The following OSBPL2 variants were observed in gnomAD, a reference collection of about 807,000 sequenced individuals.
OSBPL2 encodes the protein oxysterol-binding protein-related protein 2.
OSBPL2 carries 18 observed loss-of-function variants against 58.4 expected under a neutral mutation model. The observed-to-expected ratio is 0.31, with a 90% CI of 0.21 to 0.46. The LOEUF is 0.46. OSBPL2 is among the 20% of genes least tolerant of loss of function. The pLI is 1.00. For synonymous variants in OSBPL2, 221 were observed against 234.1 expected, an observed-to-expected ratio of 0.94 and a Z score of 0.51; for missense variants, 461 against 616.5, an observed-to-expected ratio of 0.75 and a Z score of 2.67.
intron 6 of OSBPL2, among the ~76,000 whole-genome samples, chr20:62,277,628 C>G (rs1357452759): frequency 6.6e-6 from 1 of 152,250 alleles, no homozygotes; most frequent in African/African-American, 2.4e-5. Flanking sequence ...TAAAAATACA[C>G]ATTCTTTTCT....
Position 62,292,354 on chromosome 20 carries a change from G to A in OSBPL2, c.1340+561G>A, listed in dbSNP as rs534058251. ...TCTTCCTGTCAGTGCCACTCAGGCT[G>A]ATCTTCACCCCATGACCCAGAAAGG... On this transcript the variant is annotated intron_variant, in intron 13 of 13. Coordinates refer to ENST00000313733, the MANE Select transcript of OSBPL2 (RefSeq NM_144498.4). Among the ~76,000 whole-genome samples the A allele has an allele frequency of 2.7e-3, 418 of 152,326 alleles. 2 individuals are homozygous for A. The highest frequency in any genetic ancestry group is 4.7e-3 in the Admixed American group (72 of 15,310).
chr20:62,257,582 T>C (rs1981009406), intron 2 of OSBPL2, among the ~76,000 whole-genome samples: 1 of 152,164 alleles, frequency 6.6e-6, no homozygotes, highest in African/African-American at 2.4e-5. Flanking sequence ...ACCCTTGGGC[T>C]GACCTCTAGT....
chr20:62,290,863 G>A (rs1056033067), intron 12 of OSBPL2, among the ~76,000 whole-genome samples: 1 of 150,618 alleles, frequency 6.6e-6, no homozygotes, highest in Admixed American at 6.6e-5. Flanking sequence ...TCAGCCTCCC[G>A]AGTAGCTGGG....
chr20:62,279,983 C>G, intron 7 of OSBPL2: 1 of 1,304,068 alleles, frequency 7.7e-7, no homozygotes, highest in African/African-American at 1.5e-5. Context: ...CCTCTTCACT[C>G]TCAGCCTAAA....
At chr20:62,277,642 ACAAGT>A (rs1392442459) in intron 6 of OSBPL2, among the ~76,000 whole-genome samples, 1 of 152,244 alleles carries the variant, frequency 6.6e-6, no homozygotes, top group Non-Finnish European at 1.5e-5. Context: ...CTTTTCTCAG[ACAAGT>A]ATTCATTTTG....
At chr20:62,262,093 C>A (rs558411530) in intron 3 of OSBPL2, among the ~76,000 whole-genome samples, 1,481 of 133,106 alleles carry the variant, frequency 0.011, 13 homozygotes, top group Non-Finnish European at 0.019. Context: ...ACCCCCCCCC[C>A]ACCCCGTCAC....
At chr20:62,272,307 C>A in intron 5 of OSBPL2, 48 bp downstream of exon 5, 1 of 1,594,978 alleles carries the variant, frequency 6.3e-7, no homozygotes. Flanking sequence ...AAGTGATGCC[C>A]CTTGCATGTC....
chr20:62,286,609 C>T lies in OSBPL2; in HGVS notation c.1023C>T (p.Ser341=), dbSNP rs767842772. The change falls in exon 11 of 14, where the codon AGC becomes AGT. Residue 341 remains serine (S), a synonymous_variant. Transcript: ENST00000313733. ...KLDEDSGKAD[S]DVADDVPVAQ... ...ATGAAGACTCCGGGAAGGCTGACAG[C>T]GACGTGGCTGACGACGTGCCTGTGG... is the stretch of plus-strand genomic sequence containing the variant. 5.0e-6 allele frequency: 8 copies of T among 1,613,490 alleles called. No individual in the cohort carries two copies. Among genetic ancestry groups the T allele is most frequent in the African/African-American group, 1.3e-5 (1 of 75,040 alleles).
rs750356370 is a variant in OSBPL2 at position 62,293,675 on chromosome 20, C to T, written c.1341-110C>T. ...ACGCTGGGCTGCATTTTAAAACCCA[C>T]GTTACCGTGATGGTGCTGAGTTGGG... On this transcript the variant is annotated intron_variant, in intron 13 of 13. Transcript: ENST00000313733. 1.8e-5 allele frequency: 16 copies of T among 892,008 alleles called. No individual in the cohort carries two copies. The East Asian group carries it at 4.2e-4, about 24-fold the overall frequency. The allele number at this position is 892,008 out of a possible 1,614,324, so 55.3% of individuals were successfully genotyped here.
At chr20:62,283,297 G>T (rs1221684495) in intron 9 of OSBPL2, among the ~76,000 whole-genome samples, 1 of 152,154 alleles carries the variant, frequency 6.6e-6, no homozygotes, top group Admixed American at 6.5e-5. Flanking sequence ...GTGAGGCCTG[G>T]CCCAGTTCCC....
chr20:62,260,258 G>A lies in OSBPL2; in HGVS notation c.182+133G>A, dbSNP rs115756484. On this transcript the variant is annotated intron_variant, in intron 3 of 13. Coordinates refer to ENST00000313733, the MANE Select transcript of OSBPL2 (RefSeq NM_144498.4). ...CCACAGCTGTCTGGCCTCCCCATCC[G>A]GACAGCCTCCTCTGTCTGGCCAGCA... 632 of 799,224 alleles carry A rather than the reference G, an allele frequency of 7.9e-4. 1 individual carries two copies. The highest frequency in any genetic ancestry group is 6.8e-3 in the African/African-American group (390 of 57,340). 49.5% of individuals were successfully genotyped at this position (799,224 alleles called of 1,614,324 possible).
chr20:62,258,499 G>T (rs1240240349), intron 2 of OSBPL2, among the ~76,000 whole-genome samples: 1 of 152,220 alleles, frequency 6.6e-6, no homozygotes, highest in East Asian at 1.9e-4. Context: ...ACGCAGAGGG[G>T]CTAATAAAAA....
At chr20:62,291,652 G>A (rs754954341) in intron 12 of OSBPL2, 51 bp from the exon 13 acceptor site, 1 of 1,475,610 alleles carries the variant, frequency 6.8e-7, no homozygotes. Context: ...GGGGTGGCGG[G>A]GTGCGGTTCT....
At chr20:62,286,390 C>T in intron 10 of OSBPL2, 193 bp from the exon 11 acceptor site, 2 of 558,236 alleles carry the variant, frequency 3.6e-6, no homozygotes, top group East Asian at 6.3e-5. Flanking sequence ...GCAGAGGTTG[C>T]AGTGACCCGA....
rs1351790289 is a variant in OSBPL2 at position 62,269,322 on chromosome 20, G to A, written c.259-2803G>A. Among the ~76,000 whole-genome samples the A allele has an allele frequency of 1.3e-5, 2 of 152,192 alleles. No homozygotes were observed. The highest frequency in any genetic ancestry group is 2.4e-5 in the African/African-American group (1 of 41,444). On this transcript the variant is annotated intron_variant, in intron 4 of 13. Transcript: ENST00000313733. This position sits in a 1 kb window ranked among gnomAD's most constrained non-coding sequence, Gnocchi z 4.2. Reference sequence around the variant, plus strand: ...TGATCTTTCATGGATCCAGCCGTGCGGCAGCAAAGAGCCCTGCATGTGTGT... The same window carrying A: ...TGATCTTTCATGGATCCAGCCGTGCAGCAGCAAAGAGCCCTGCATGTGTGT...
At chr20:62,281,203 C>T (rs748152703) in intron 8 of OSBPL2, 38 bp downstream of exon 8, 2 of 1,481,632 alleles carry the variant, frequency 1.3e-6, no homozygotes. Flanking sequence ...GCGCGAGGCT[C>T]CGGGTGGGGA....
chr20:62,248,241 G>A (rs1980282674), intron 1 of OSBPL2, among the ~76,000 whole-genome samples: 1 of 138,890 alleles, frequency 7.2e-6, no homozygotes, highest in Non-Finnish European at 1.5e-5. Flanking sequence ...TGCAACCTCT[G>A]CCTCCCAGGT....
chr20:62,281,452 G>A (rs757608781), intron 8 of OSBPL2: 8 of 507,568 alleles, frequency 1.6e-5, no homozygotes, highest in East Asian at 3.2e-5. Context: ...GGCCGTCCAC[G>A]GCCGTTGGCC....
chr20:62,243,852 A>G (rs2145911094), intron 1 of OSBPL2, among the ~76,000 whole-genome samples: 1 of 38,150 alleles, frequency 2.6e-5, no homozygotes, highest in South Asian at 1.6e-3. Flanking sequence ...AAATTTTTTA[A>G]TTAAAAAAAA....
Sources: allele counts gnomAD v4.1 joint callset (sites outside exome capture counted in the v4.1 genomes callset), GRCh38; gene constraint gnomAD v4.1.1; non-coding constraint Gnocchi (gnomAD v3.1); transcripts MANE v1.5; gene names NCBI Gene and HGNC (gene_info 2026-07-23, HGNC 2026-07-21).